TNFSF4: variants seen among roughly 807,000 people sequenced by gnomAD.
TNFSF4 encodes TNF superfamily member 4.
TNFSF4 carries 4 observed loss-of-function variants against 7.3 expected under a neutral mutation model. That is an observed-to-expected ratio of 0.55 (90% CI 0.27 to 1.25). TNFSF4 has a LOEUF of 1.25. Among genes scored for constraint, TNFSF4 ranks in the 50% most tolerant of loss-of-function variants. TNFSF4 has a pLI of 0.12. For missense variants in TNFSF4, 181 were observed against 208.8 expected, an observed-to-expected ratio of 0.87 and a Z score of 0.82; for synonymous variants, 76 against 83.7, an observed-to-expected ratio of 0.91 and a Z score of 0.50.
At chr1:173,311,615 C>A in the TNFSF4 span, among the ~76,000 whole-genome samples, 1 of 151,528 alleles carries the variant, frequency 6.6e-6, no homozygotes, top group Non-Finnish European at 1.5e-5. Flanking sequence ...GTAGATGAAG[C>A]ATTTCTTTGT....
the TNFSF4 span, among the ~76,000 whole-genome samples, chr1:173,296,366 T>C: frequency 6.6e-6 from 1 of 151,976 alleles, no homozygotes; most frequent in Non-Finnish European, 1.5e-5. Context: ...ATTCTACATA[T>C]TGGAGCCAAA....
chr1:173,205,454 C>T, intron 1 of TNFSF4: 1 of 1,547,786 alleles, frequency 6.5e-7, no homozygotes, highest in Non-Finnish European at 8.7e-7. Context: ...AATGTGACCC[C>T]AACCACCAGC....
chr1:173,276,705 G>A, the TNFSF4 span, among the ~76,000 whole-genome samples: 1 of 152,114 alleles, frequency 6.6e-6, no homozygotes, highest in Non-Finnish European at 1.5e-5. Context: ...GTACTATTGA[G>A]AAGAAAATTA....
At chr1:173,338,533 A>G in the TNFSF4 span, among the ~76,000 whole-genome samples, 9 of 152,110 alleles carry the variant, frequency 5.9e-5, no homozygotes, top group Non-Finnish European at 1.2e-4. Context: ...CCAGCTAGGT[A>G]CCAATGCCTT....
chr1:173,336,901 A>G, the TNFSF4 span, among the ~76,000 whole-genome samples: 11 of 152,058 alleles, frequency 7.2e-5, no homozygotes, highest in East Asian at 1.4e-3. Context: ...AAAAGGCACA[A>G]TGCTTATTAG....
At chr1:173,290,466 A>C in the TNFSF4 span, among the ~76,000 whole-genome samples, 1 of 152,206 alleles carries the variant, frequency 6.6e-6, no homozygotes, top group Non-Finnish European at 1.5e-5. Flanking sequence ...AACAAATTTT[A>C]AATCAAAAAT....
chr1:173,225,907 T>C, the TNFSF4 span, among the ~76,000 whole-genome samples: 1 of 152,148 alleles, frequency 6.6e-6, no homozygotes, highest in East Asian at 1.9e-4. Flanking sequence ...GAAATAAGAA[T>C]TTTTCTAATC....
the TNFSF4 span, among the ~76,000 whole-genome samples, chr1:173,176,055 C>T: frequency 6.6e-6 from 1 of 152,124 alleles, no homozygotes; most frequent in African/African-American, 2.4e-5. Flanking sequence ...AATGCTACAG[C>T]TTCCTTATAT....
At chr1:173,371,509 A>AC in the TNFSF4 span, among the ~76,000 whole-genome samples, 4 of 151,486 alleles carry the variant, frequency 2.6e-5, no homozygotes, top group East Asian at 7.8e-4. Flanking sequence ...AGGCTAAAAG[A>AC]CCCCCCTCCT....
the TNFSF4 span, among the ~76,000 whole-genome samples, chr1:173,412,708 A>C: frequency 3.9e-5 from 6 of 152,210 alleles, no homozygotes; most frequent in Non-Finnish European, 5.9e-5. Flanking sequence ...AAATGGGTAA[A>C]ATTTCCATTA....
the TNFSF4 span, among the ~76,000 whole-genome samples, chr1:173,419,118 T>C: frequency 6.6e-6 from 1 of 152,102 alleles, no homozygotes; most frequent in Non-Finnish European, 1.5e-5. Flanking sequence ...GGCGGGCAGA[T>C]CACGAGGTCA....
the TNFSF4 span, among the ~76,000 whole-genome samples, chr1:173,340,323 TACACACACACACACACAC>T: frequency 1.1e-4 from 15 of 135,870 alleles, no homozygotes; most frequent in Middle Eastern, 3.6e-3. Context: ...CTAATCTGTT[TACACACACACACACACAC>T]ACACACACAC....
chr1:173,292,540 A>AAAGCTGG, the TNFSF4 span, among the ~76,000 whole-genome samples: 1 of 152,178 alleles, frequency 6.6e-6, no homozygotes, highest in Non-Finnish European at 1.5e-5. Flanking sequence ...TAAATGGGCA[A>AAAGCTGG]AAGCTGGAAG....
At chr1:173,430,685 G>A in the TNFSF4 span, among the ~76,000 whole-genome samples, 1 of 152,202 alleles carries the variant, frequency 6.6e-6, no homozygotes, top group Non-Finnish European at 1.5e-5. Flanking sequence ...GTTCACTGCA[G>A]GAATTAATGT....
At chr1:173,358,000 AT>A in the TNFSF4 span, among the ~76,000 whole-genome samples, 1 of 152,190 alleles carries the variant, frequency 6.6e-6, no homozygotes, top group Non-Finnish European at 1.5e-5. Flanking sequence ...TGTAAGTTGC[AT>A]GATAAAGGAA....
At chr1:173,349,041 T>TA in the TNFSF4 span, among the ~76,000 whole-genome samples, 3 of 152,024 alleles carry the variant, frequency 2.0e-5, no homozygotes, top group African/African-American at 4.8e-5. Context: ...TTATTATTAT[T>TA]TTTTTTAGAC....
At chr1:173,181,146 G>C (rs1039583726), downstream of TNFSF4, among the ~76,000 whole-genome samples, 1 of 152,068 alleles carries the variant, frequency 6.6e-6, no homozygotes, top group Non-Finnish European at 1.5e-5. Flanking sequence ...TTACTTAAAG[G>C]GTGTATGTCC....
chr1:173,235,209 T>G, the TNFSF4 span, among the ~76,000 whole-genome samples: 1 of 152,194 alleles, frequency 6.6e-6, no homozygotes, highest in Admixed American at 6.5e-5. Flanking sequence ...TTTTTGCTCT[T>G]TAGTTCAGCT....
rs1649161170 is a variant in TNFSF4, at chr1:173,184,962, T to C, written c.*1554A>G. ...TTATTTACCTTCCTTCATAACAGAT[T>C]AAAATAGAGGGATGGGAATATAGTT... On this transcript the variant is annotated 3_prime_UTR_variant, in exon 3 of 3. Transcript: ENST00000281834. The C allele has an allele frequency of 6.6e-6, 1 of 152,072 alleles. No individual in the cohort carries two copies. Among genetic ancestry groups the C allele is most frequent in the South Asian group, 2.1e-4 (1 of 4,828 alleles). The allele number at this position is 152,072 out of a possible 1,614,324, so 9.4% of individuals were successfully genotyped here. A position where few individuals can be genotyped will look rare whatever the true frequency, so the allele number is the denominator to read the frequency against.
Sources: allele counts gnomAD v4.1 joint callset (sites outside exome capture counted in the v4.1 genomes callset), GRCh38; gene constraint gnomAD v4.1.1; transcripts MANE v1.5; gene names NCBI Gene and HGNC (gene_info 2026-07-23, HGNC 2026-07-21).